Variants in NFS1 observed in about 807,000 individuals in gnomAD.
NFS1 encodes the protein NFS1 cysteine desulfurase, also known as cysteine desulfurase.
NFS1 carries 26 observed loss-of-function variants against 57.3 expected under a neutral mutation model. The ratio of observed to expected loss-of-function variants is 0.45; its 90% confidence interval spans 0.33 to 0.63. The LOEUF is 0.63. Ranked by LOEUF, NFS1 falls within the 20% of genes least tolerant of loss-of-function variation. The pLI, the probability that NFS1 is intolerant of heterozygous loss-of-function variation, is 0.02. For synonymous variants in NFS1, 209 were observed against 216.3 expected (o/e 0.97, Z 0.30); for missense variants, 505 against 605.8 (o/e 0.83, Z 1.75).
intron 12 of NFS1, among the ~76,000 whole-genome samples, chr20:35,670,418 T>C (rs2034634466): frequency 6.6e-6 from 1 of 152,260 alleles, no homozygotes; most frequent in Admixed American, 6.5e-5. Context: ...AGATATTACT[T>C]CAGTGTGCTA....
At chr20:35,679,051 C>T (rs1188570159) in intron 7 of NFS1, among the ~76,000 whole-genome samples, 1 of 152,080 alleles carries the variant, frequency 6.6e-6, no homozygotes, top group Non-Finnish European at 1.5e-5. Context: ...AGATTCTGGA[C>T]TTGGAAAGCA....
chr20:35,677,965 C>A, intron 7 of NFS1, among the ~76,000 whole-genome samples: 1 of 152,058 alleles, frequency 6.6e-6, no homozygotes, highest in Non-Finnish European at 1.5e-5. Flanking sequence ...GTAATTCCGG[C>A]ACTTTGGGAG....
intron 10 of NFS1, 170 bp downstream of exon 10, chr20:35,674,180 G>A (rs1361480003): frequency 1.6e-6 from 1 of 626,574 alleles, no homozygotes; most frequent in East Asian, 2.8e-5. Flanking sequence ...GTAAACTTCA[G>A]TCTGTACCCA....
chr20:35,670,051 T>G (rs1436955210), intron 12 of NFS1, among the ~76,000 whole-genome samples: 2 of 152,248 alleles, frequency 1.3e-5, no homozygotes, highest in Non-Finnish European at 1.5e-5. Flanking sequence ...TTGAGACTTG[T>G]ATAAACATCT....
chr20:35,669,543 G>A lies in NFS1; in HGVS notation c.*79C>T. 2 of 1,239,690 alleles carry A rather than the reference G, an allele frequency of 1.6e-6. No homozygotes were observed. The highest frequency in any genetic ancestry group is 2.4e-6 in the Non-Finnish European group (2 of 839,240). The allele number at this position is 1,239,690 out of a possible 1,614,324, so 76.8% of individuals were successfully genotyped here. The stretch of plus-strand genomic sequence containing the variant: ...TATACCAATCTAGAGCATCCACTAG[G>A]TGTAACAAGGTGTCTGGTTGTGCAC... On this transcript the variant is annotated 3_prime_UTR_variant, in exon 13 of 13. Transcript: ENST00000374092.
chr20:35,674,972 A>G (rs2034716161), intron 8 of NFS1, 73 bp downstream of exon 8: 3 of 1,582,416 alleles, frequency 1.9e-6, no homozygotes, highest in African/African-American at 2.7e-5. Flanking sequence ...TGCCTCAGTC[A>G]TGCTGAGAAG....
intron 5 of NFS1, among the ~76,000 whole-genome samples, chr20:35,687,689 C>A (rs2034970955): frequency 6.6e-6 from 1 of 152,160 alleles, no homozygotes; most frequent in South Asian, 2.1e-4. Context: ...CTCGTCTCTG[C>A]ACATGGGGAG....
At chr20:35,696,924 T>C (rs979606706) in intron 3 of NFS1, among the ~76,000 whole-genome samples, 3 of 151,734 alleles carry the variant, frequency 2.0e-5, no homozygotes, top group Non-Finnish European at 4.4e-5. Flanking sequence ...CTGACCAACA[T>C]GGAGAAACCC....
Position 35,681,960 on chromosome 20 carries a change from G to T in NFS1, c.583C>A (p.Pro195Thr). The T allele has an allele frequency of 1.2e-6, 2 of 1,610,700 alleles. No homozygotes were observed. Among genetic ancestry groups the T allele is most frequent in the South Asian group, 1.1e-5 (1 of 91,008 alleles). Residue 195 changes from proline to threonine, a missense_variant, in exon 6 of 13, where the codon CCA becomes ACA. Pro to Thr is a conservative substitution (Grantham distance 38). Coordinates refer to ENST00000374092, the MANE Select transcript of NFS1 (RefSeq NM_021100.5). ...ATGACTGACACCAGGCTAGTATCTG[G>T]CTGGATAGCAGCCTCTAGTTCCTAG... Reference protein sequence around the residue: ...DLKELEAAIQPDTSLVSVMTV... With the variant: ...DLKELEAAIQTDTSLVSVMTV...
Position 35,668,652 on chromosome 20 carries a change from A to G in NFS1, c.*970T>C, listed in dbSNP as rs540992151. The G allele has an allele frequency of 6.6e-6, 1 of 152,338 alleles. No homozygotes were observed. The highest frequency in any genetic ancestry group is 1.5e-5 in the Non-Finnish European group (1 of 68,032). The allele number at this position is 152,338 out of a possible 1,614,324, so 9.4% of individuals were successfully genotyped here. A position where few individuals can be genotyped will look rare whatever the true frequency, so the allele number is the denominator to read the frequency against. ...CCCAGCATGGTAGGTTTTCCCTGCT[A>G]TGTCCTCTTACCACTTAATTCTTTC... On this transcript the variant is annotated 3_prime_UTR_variant, in exon 13 of 13. Transcript: ENST00000374092.
intron 4 of NFS1, among the ~76,000 whole-genome samples, chr20:35,694,095 G>A (rs931885197): frequency 1.3e-5 from 2 of 151,988 alleles, no homozygotes; most frequent in African/African-American, 4.8e-5. Flanking sequence ...CCAGTGAGCT[G>A]TGATTGTGCA....
chr20:35,684,359 G>C (rs972391931), intron 5 of NFS1, among the ~76,000 whole-genome samples: 2 of 150,906 alleles, frequency 1.3e-5, no homozygotes, highest in African/African-American at 4.9e-5. Context: ...AGTGAGCAGA[G>C]ATCGCGCCAC....
At chr20:35,675,256 A>G (rs559359295) in intron 7 of NFS1, 54 bp from the exon 8 acceptor site, 2 of 1,493,490 alleles carry the variant, frequency 1.3e-6, no homozygotes, top group Admixed American at 4.8e-5. Flanking sequence ...TAGATAAAAC[A>G]AAATATTTCT....
intron 6 of NFS1, 70 bp from the exon 7 acceptor site, chr20:35,680,941 T>A: frequency 7.8e-7 from 1 of 1,277,432 alleles, no homozygotes; most frequent in Non-Finnish European, 1.0e-6. Context: ...CACAGTGCAC[T>A]GTGAATTATC....
intron 4 of NFS1, 132 bp from the exon 5 acceptor site, chr20:35,690,697 T>C: frequency 2.4e-6 from 2 of 848,998 alleles, no homozygotes; most frequent in Non-Finnish European, 3.7e-6. Context: ...CAACTGAGTA[T>C]CCTATAATTC....
chr20:35,677,024 G>A (rs2034765263), intron 7 of NFS1, among the ~76,000 whole-genome samples: 1 of 151,968 alleles, frequency 6.6e-6, no homozygotes, highest in Non-Finnish European at 1.5e-5. Flanking sequence ...CCGCCACCAC[G>A]CATGGCTAAT....
intron 7 of NFS1, among the ~76,000 whole-genome samples, 196 bp downstream of exon 7, chr20:35,680,541 G>C (rs764975809): frequency 8.5e-5 from 13 of 152,238 alleles, no homozygotes; most frequent in Middle Eastern, 3.2e-3. Context: ...AGAATGGCCT[G>C]ATGTATAGTA....
intron 4 of NFS1, 35 bp from the exon 5 acceptor site, chr20:35,690,600 T>C (rs1028502443): frequency 1.2e-6 from 2 of 1,610,314 alleles, no homozygotes; most frequent in African/African-American, 2.7e-5. Context: ...AAGGAGAACA[T>C]ACTCAGAGAG....
chr20:35,675,009 G>A, intron 8 of NFS1, 36 bp downstream of exon 8: 1 of 1,613,444 alleles, frequency 6.2e-7, no homozygotes, highest in Non-Finnish European at 8.5e-7. Flanking sequence ...CCAGCACAGG[G>A]GAAGAAGTTG....
Sources: allele counts gnomAD v4.1 joint callset (sites outside exome capture counted in the v4.1 genomes callset), GRCh38; gene constraint gnomAD v4.1.1; transcripts MANE v1.5; gene names NCBI Gene and HGNC (gene_info 2026-07-23, HGNC 2026-07-21).